Variants in MAPRE1 observed in about 807,000 individuals in gnomAD.
MAPRE1 encodes the protein microtubule-associated protein RP/EB family member 1.
MAPRE1 carries 5 observed loss-of-function variants against 32.1 expected under a neutral mutation model. The ratio of observed to expected loss-of-function variants is 0.16; its 90% confidence interval spans 0.08 to 0.33. The LOEUF is 0.33. MAPRE1 is among the 10% of genes least tolerant of loss of function. MAPRE1 has a pLI of 1.00. For missense variants in MAPRE1, 209 were observed against 327.2 expected, an observed-to-expected ratio of 0.64 and a Z score of 2.79; for synonymous variants, 122 against 118.9, an observed-to-expected ratio of 1.03 and a Z score of -0.17.
intron 2 of MAPRE1, among the ~76,000 whole-genome samples, chr20:32,831,824 C>T (rs1482074494): frequency 4.6e-5 from 7 of 151,640 alleles, no homozygotes; most frequent in South Asian, 2.1e-4. Context: ...TGTGAGCCAC[C>T]GCGCTTGGCC....
At chr20:32,844,213 C>T (rs1983440638) in intron 5 of MAPRE1, among the ~76,000 whole-genome samples, 2 of 152,006 alleles carry the variant, frequency 1.3e-5, no homozygotes, top group Admixed American at 1.3e-4. Context: ...CACGTGAAAG[C>T]CAGTGTCTTA....
intron 5 of MAPRE1, among the ~76,000 whole-genome samples, chr20:32,844,368 A>G (rs1468938974): frequency 1.4e-5 from 2 of 147,620 alleles, no homozygotes; most frequent in Non-Finnish European, 1.5e-5. Flanking sequence ...TGGACAGAGA[A>G]GGTTTTAAAG....
At chr20:32,844,063 A>G (rs1050457928) in intron 5 of MAPRE1, among the ~76,000 whole-genome samples, 4 of 152,120 alleles carry the variant, frequency 2.6e-5, no homozygotes, top group Non-Finnish European at 5.9e-5. Context: ...CATGTTGGCC[A>G]GGCCGGTCTC....
At chr20:32,827,237 C>G (rs894006903) in intron 2 of MAPRE1, among the ~76,000 whole-genome samples, 2 of 151,998 alleles carry the variant, frequency 1.3e-5, no homozygotes, top group Non-Finnish European at 2.9e-5. Flanking sequence ...GAAACCCCGT[C>G]TCTACTAAAA....
intron 2 of MAPRE1, among the ~76,000 whole-genome samples, chr20:32,832,099 G>A (rs1009688981): frequency 1.3e-5 from 2 of 152,094 alleles, no homozygotes; most frequent in Non-Finnish European, 2.9e-5. Flanking sequence ...CCCTGCTCTC[G>A]TTTATGTTGA....
chr20:32,835,437 C>T (rs2146131143), intron 3 of MAPRE1, among the ~76,000 whole-genome samples: 2 of 134,324 alleles, frequency 1.5e-5, no homozygotes, highest in South Asian at 4.9e-4. Context: ...CTCAAGCAGT[C>T]CTCAAGATAG....
intron 2 of MAPRE1, among the ~76,000 whole-genome samples, chr20:32,832,381 A>G (rs559473872): frequency 1.0e-5 from 1 of 95,776 alleles, no homozygotes; most frequent in African/African-American, 6.6e-5. Flanking sequence ...AGCAGTAATA[A>G]AACACTTTTT....
intron 1 of MAPRE1, among the ~76,000 whole-genome samples, chr20:32,824,420 C>T (rs1160401016): frequency 1.3e-5 from 2 of 152,228 alleles, no homozygotes; most frequent in African/African-American, 4.8e-5. Context: ...GGCAGGCTTG[C>T]CTGCCAACCC....
At chr20:32,844,686 A>G (rs1983456581) in intron 5 of MAPRE1, among the ~76,000 whole-genome samples, 4 of 152,074 alleles carry the variant, frequency 2.6e-5, no homozygotes, top group Admixed American at 2.6e-4. Flanking sequence ...TGCTGGGATT[A>G]CAGGCGTGAG....
chr20:32,831,464 CT>C (rs76802491), intron 2 of MAPRE1, among the ~76,000 whole-genome samples: 511 of 135,596 alleles, frequency 3.8e-3, no homozygotes, highest in Admixed American at 4.1e-3. Context: ...AAGTTGTTGA[CT>C]TTTTTTTTTT....
chr20:32,832,580 T>A (rs771457340), intron 2 of MAPRE1, among the ~76,000 whole-genome samples: 1 of 151,462 alleles, frequency 6.6e-6, no homozygotes, highest in African/African-American at 2.4e-5. Flanking sequence ...TGATCCTCCT[T>A]CTTCAGCCTC....
intron 5 of MAPRE1, among the ~76,000 whole-genome samples, chr20:32,840,285 C>G (rs1983325363): frequency 6.6e-6 from 1 of 152,060 alleles, no homozygotes; most frequent in African/African-American, 2.4e-5. Flanking sequence ...TGTGGCTCTT[C>G]TAGTTCTGTT....
chr20:32,835,771 A>T (rs906652627), intron 3 of MAPRE1, among the ~76,000 whole-genome samples: 1 of 151,224 alleles, frequency 6.6e-6, no homozygotes, highest in African/African-American at 2.4e-5. Flanking sequence ...ACACCCGGCT[A>T]ATTTTTGTAT....
chr20:32,828,444 T>C (rs1982929334), intron 2 of MAPRE1, among the ~76,000 whole-genome samples: 1 of 152,248 alleles, frequency 6.6e-6, no homozygotes, highest in South Asian at 2.1e-4. Flanking sequence ...GTTGTATATG[T>C]GCTGATCGGG....
intron 4 of MAPRE1, among the ~76,000 whole-genome samples, chr20:32,838,153 C>G (rs892421787): frequency 2.6e-5 from 4 of 152,124 alleles, no homozygotes; most frequent in African/African-American, 9.7e-5. Context: ...CAGCTTTACC[C>G]CCTCCCTCCA....
At chr20:32,831,892 T>C (rs941810194) in intron 2 of MAPRE1, among the ~76,000 whole-genome samples, 4 of 149,800 alleles carry the variant, frequency 2.7e-5, no homozygotes, top group Non-Finnish European at 4.4e-5. Context: ...ACTGTGGATA[T>C]AGTTGCTGAA....
Position 32,836,661 on chromosome 20 carries a change from G to A in MAPRE1, c.295G>A (p.Gly99Arg). The A allele has an allele frequency of 1.2e-6, 2 of 1,611,952 alleles. No homozygotes were observed. Among genetic ancestry groups the A allele is most frequent in the Non-Finnish European group, 8.5e-7 (1 of 1,178,386 alleles). Reference protein sequence around the residue: ...KIIPVDKLVKGKFQDNFEFVQ... With the variant: ...KIIPVDKLVKRKFQDNFEFVQ... ...AATTCCTGTGGACAAATTAGTAAAA[G>A]GAAAGTTTCAGGACAATTTTGAATT... The change falls in exon 4 of 7, where the codon GGA becomes AGA. Residue 99 changes from glycine (G) to arginine (R), a missense_variant. By Grantham distance (125) the Gly-to-Arg change is moderately radical. Around this residue, in one of 3 missense-constraint regions of MAPRE1, gnomAD observed 67 missense variants for 140.0 expected, o/e 0.48. Transcript: ENST00000375571.
chr20:32,841,307 A>G (rs944086692), intron 5 of MAPRE1, among the ~76,000 whole-genome samples: 8 of 152,204 alleles, frequency 5.3e-5, no homozygotes, highest in African/African-American at 1.4e-4. Flanking sequence ...ATTTCAAGAC[A>G]TGGATTTCAA....
At chr20:32,836,549 G>A in intron 3 of MAPRE1, 85 bp from the exon 4 acceptor site, 1 of 773,310 alleles carries the variant, frequency 1.3e-6, no homozygotes, top group East Asian at 2.5e-5. Flanking sequence ...TTTTGGCAGA[G>A]CTTTATAATG....
Sources: gnomAD v4.1 joint callset for allele counts (sites outside exome capture counted in the v4.1 genomes callset) on GRCh38, gnomAD v4.1.1 for gene constraint, gnomAD v4.1.1 regional missense constraint, MANE v1.5 for transcripts, NCBI Gene and HGNC (gene_info 2026-07-23, HGNC 2026-07-21) for gene names.